Variants in KDM4C observed in about 807,000 individuals in gnomAD.
KDM4C encodes lysine demethylase 4C.
KDM4C carries 81 observed loss-of-function variants against 129.3 expected under a neutral mutation model. That is an observed-to-expected ratio of 0.63 (90% CI 0.52 to 0.75). KDM4C has a LOEUF of 0.75. KDM4C is among the 30% of genes least tolerant of loss of function. The probability of loss-of-function intolerance (pLI) is 0.00; values close to 1 mark genes in which losing one functional copy is unlikely to be tolerated. For synonymous variants in KDM4C, 573 were observed against 456.1 expected (o/e 1.26, Z -3.26); for missense variants, 1,457 against 1,304.0 (o/e 1.12, Z -1.81).
intron 15 of KDM4C, among the ~76,000 whole-genome samples, chr9:7,039,149 T>C (rs1347156002): frequency 6.6e-6 from 1 of 151,988 alleles, no homozygotes; most frequent in Admixed American, 6.6e-5. Context: ...ATAGGTCTGT[T>C]CTGTTTTTAA....
At chr9:7,160,999 C>A (rs1045838916) in intron 19 of KDM4C, among the ~76,000 whole-genome samples, 2 of 152,200 alleles carry the variant, frequency 1.3e-5, no homozygotes, top group African/African-American at 4.8e-5. Context: ...GTTCAAGCTT[C>A]CCAGCCGCTT....
chr9:6,774,474 G>A (rs1408008951), intron 1 of KDM4C, among the ~76,000 whole-genome samples: 1 of 152,066 alleles, frequency 6.6e-6, no homozygotes, highest in Non-Finnish European at 1.5e-5. Flanking sequence ...AGACCAGGCT[G>A]GGCAAAATGG....
At chr9:6,887,189 A>G (rs1386601536) in intron 6 of KDM4C, among the ~76,000 whole-genome samples, 2 of 152,190 alleles carry the variant, frequency 1.3e-5, no homozygotes, top group African/African-American at 4.8e-5. Context: ...GGTGTGGAGC[A>G]GTACATCAGA....
chr9:7,013,979 G>A lies in KDM4C; in HGVS notation c.2160G>A (p.Lys720=). The A allele has an allele frequency of 1.2e-6, 2 of 1,613,766 alleles. No individual in the cohort carries two copies. The highest frequency in any genetic ancestry group is 1.7e-5 in the Admixed American group (1 of 60,018). The part of the protein sequence containing the change: ...DGTSLLISCA[K]CCVRVHASCY... ...CAAGTCTCCTTATTTCCTGTGCAAA[G>A]TGCTGCGTACGGGTTCATGCAAGTA... The change falls in exon 14 of 22, where the codon AAG becomes AAA. Residue 720 remains lysine (K), a synonymous_variant. Coordinates refer to ENST00000381309, the MANE Select transcript of KDM4C (RefSeq NM_015061.6).
At chr9:6,809,204 TG>T (rs1314796622) in intron 3 of KDM4C, among the ~76,000 whole-genome samples, 1 of 152,238 alleles carries the variant, frequency 6.6e-6, no homozygotes, top group East Asian at 1.9e-4. Flanking sequence ...TTTTTTGGGT[TG>T]GTATTAATAG....
chr9:7,107,903 A>G (rs1837881209), intron 18 of KDM4C, among the ~76,000 whole-genome samples: 1 of 152,212 alleles, frequency 6.6e-6, no homozygotes, highest in Non-Finnish European at 1.5e-5. Flanking sequence ...GCACTTGGCT[A>G]TCCATAGGAG....
chr9:7,123,313 G>T (rs141503263), intron 18 of KDM4C, among the ~76,000 whole-genome samples: 1 of 152,232 alleles, frequency 6.6e-6, no homozygotes, highest in African/African-American at 2.4e-5. Flanking sequence ...TCCAGACCCT[G>T]TGAGTTTCAC....
At chr9:6,734,984 C>A in intron 1 of KDM4C, 1 of 565,384 alleles carries the variant, frequency 1.8e-6, no homozygotes. Flanking sequence ...CAACCACACT[C>A]AAGTTGATAG....
At chr9:6,773,279 GGCTGTGCCCA>G (rs1197055122) in intron 1 of KDM4C, among the ~76,000 whole-genome samples, 2 of 152,132 alleles carry the variant, frequency 1.3e-5, no homozygotes, top group South Asian at 2.1e-4. Flanking sequence ...TGGAGTTACA[GGCTGTGCCCA>G]GCCACAATGT....
chr9:6,994,074 C>T (rs1349000264), intron 12 of KDM4C, among the ~76,000 whole-genome samples: 1 of 152,080 alleles, frequency 6.6e-6, no homozygotes, highest in Admixed American at 6.5e-5. Context: ...TGTTCCACCT[C>T]GGATCATCAG....
chr9:6,962,367 G>A (rs1830181496), intron 8 of KDM4C, among the ~76,000 whole-genome samples: 1 of 152,286 alleles, frequency 6.6e-6, no homozygotes, highest in East Asian at 1.9e-4. Context: ...GTTCAGAAAC[G>A]CAAACTGACC....
At chr9:6,997,147 G>A (rs1409132889) in intron 12 of KDM4C, among the ~76,000 whole-genome samples, 1 of 152,170 alleles carries the variant, frequency 6.6e-6, no homozygotes, top group Non-Finnish European at 1.5e-5. Flanking sequence ...GGTTAAAAAA[G>A]TGTTTGGCAC....
chr9:7,148,600 C>A (rs556909157), intron 19 of KDM4C, among the ~76,000 whole-genome samples: 1 of 152,170 alleles, frequency 6.6e-6, no homozygotes, highest in Non-Finnish European at 1.5e-5. Flanking sequence ...CAGCCAGGAA[C>A]GTGTTACAAC....
intron 19 of KDM4C, among the ~76,000 whole-genome samples, chr9:7,151,457 G>A (rs181696380): frequency 5.3e-5 from 8 of 152,166 alleles, no homozygotes; most frequent in African/African-American, 1.4e-4. Context: ...TTCGGGAGGC[G>A]GAAGTGGTTG....
At chr9:6,847,938 A>G (rs1340845705) in intron 4 of KDM4C, among the ~76,000 whole-genome samples, 1 of 152,256 alleles carries the variant, frequency 6.6e-6, no homozygotes, top group Non-Finnish European at 1.5e-5. Flanking sequence ...AAATGAAAAC[A>G]GAACAACTCT....
intron 19 of KDM4C, among the ~76,000 whole-genome samples, chr9:7,162,130 T>G (rs1171359787): frequency 2.6e-5 from 4 of 152,244 alleles, no homozygotes; most frequent in Non-Finnish European, 4.4e-5. Flanking sequence ...GGAGCTGTTA[T>G]GGATGAGAAT....
chr9:6,731,089 A>T (rs1463535567), intron 1 of KDM4C, among the ~76,000 whole-genome samples: 2 of 152,126 alleles, frequency 1.3e-5, no homozygotes, highest in East Asian at 3.8e-4. Flanking sequence ...TGAGTCATTG[A>T]TGTCACTATC....
At chr9:7,149,877 GAAGTGTCAGA>G (rs1456329539) in intron 19 of KDM4C, among the ~76,000 whole-genome samples, 1 of 152,216 alleles carries the variant, frequency 6.6e-6, no homozygotes, top group Non-Finnish European at 1.5e-5. Context: ...GATCTAAGAG[GAAGTGTCAGA>G]AAGCTTTACA....
Position 6,986,578 on chromosome 9 carries a change from G to A in KDM4C, c.1589G>A (p.Ser530Asn), listed in dbSNP as rs769214465. The A allele has an allele frequency of 1.2e-6, 2 of 1,613,808 alleles. No individual in the cohort carries two copies. The highest frequency in any genetic ancestry group is 1.1e-5 in the South Asian group (1 of 91,064). The change falls in exon 11 of 22, where the codon AGT (serine) becomes AAT (asparagine). Residue 530 changes from serine (S) to asparagine (N), a missense_variant. Coordinates refer to ENST00000381309, the MANE Select transcript of KDM4C (RefSeq NM_015061.6). ...SNGVLTEGEESDVESHGNGLE... is the reference protein window; with the variant it reads ...SNGVLTEGEENDVESHGNGLE... ...GGTGTGTTAACAGAGGGAGAAGAGA[G>A]TGATGTGGAGAGCCATGGGAATGGC...
Sources: allele counts gnomAD v4.1 joint callset (sites outside exome capture counted in the v4.1 genomes callset), GRCh38; gene constraint gnomAD v4.1.1; transcripts MANE v1.5; gene names NCBI Gene and HGNC (gene_info 2026-07-23, HGNC 2026-07-21).